The following CSMD1 variants were observed in gnomAD, a reference collection of about 807,000 sequenced individuals.
CSMD1 encodes the protein CUB and Sushi multiple domains 1, also known as CUB and sushi domain-containing protein 1.
A neutral mutation model predicts 417.5 loss-of-function variants in CSMD1; 213 were observed. The ratio of observed to expected loss-of-function variants is 0.51; its 90% CI spans 0.46 to 0.57. CSMD1 has a LOEUF of 0.57. CSMD1 is among the 20% of genes least tolerant of loss of function. The pLI, the probability that CSMD1 is intolerant of heterozygous loss-of-function variation, is 0.00. For missense variants in CSMD1, 6,923 were observed against 4,529.7 expected, an observed-to-expected ratio of 1.53 and a Z score of -15.17; for synonymous variants, 2,862 against 1,736.8, an observed-to-expected ratio of 1.65 and a Z score of -16.11.
chr8:3,870,310 ATTTTAT>A, intron 5 of CSMD1, among the ~76,000 whole-genome samples: 1 of 152,230 alleles, frequency 6.6e-6, no homozygotes, highest in African/African-American at 2.4e-5. Flanking sequence ...ATATCCTCAG[ATTTTAT>A]TTTTATTTTT....
At chr8:4,345,560 C>T (rs1208712714) in intron 3 of CSMD1, among the ~76,000 whole-genome samples, 1 of 151,882 alleles carries the variant, frequency 6.6e-6, no homozygotes, top group Non-Finnish European at 1.5e-5. Context: ...AATCACTCAT[C>T]GGACAAAGCA....
At position 3,348,056 on chromosome 8, in the gene CSMD1, T is replaced by C; in HGVS notation, c.3410A>G (p.Glu1137Gly). Residue 1137 changes from glutamate to glycine, a missense_variant, in exon 22 of 70, where the codon GAA becomes GGA. Transcript: ENST00000635120. ...TCTAAGGTGGATGCCCTTGCCGGCT[T>C]CTGTTTCTATTTTATAGATACACTC... Reference protein sequence around the residue: ...NHECIYKIETEAGKGIHLRTR... With the variant: ...NHECIYKIETGAGKGIHLRTR... The C allele has an allele frequency of 1.2e-6, 2 of 1,612,196 alleles. No individual in the cohort carries two copies. The highest frequency in any genetic ancestry group is 2.2e-5 in the South Asian group (2 of 90,714).
At chr8:4,905,336 C>G (rs1042182455) in intron 1 of CSMD1, among the ~76,000 whole-genome samples, 1 of 151,940 alleles carries the variant, frequency 6.6e-6, no homozygotes, top group Non-Finnish European at 1.5e-5. Flanking sequence ...ATCATAAAGG[C>G]TACCATTTCT....
chr8:4,552,478 T>G (rs1797916823), intron 2 of CSMD1, among the ~76,000 whole-genome samples: 1 of 152,116 alleles, frequency 6.6e-6, no homozygotes, highest in Admixed American at 6.6e-5. Flanking sequence ...ACAGATTTAT[T>G]GGGTGGGAAA....
intron 3 of CSMD1, among the ~76,000 whole-genome samples, chr8:4,419,121 G>T (rs931246205): frequency 6.6e-6 from 1 of 152,138 alleles, no homozygotes; most frequent in Non-Finnish European, 1.5e-5. Context: ...AGTAGCAAAT[G>T]ACATCCCAAG....
intron 3 of CSMD1, among the ~76,000 whole-genome samples, chr8:4,331,639 C>A (rs1218855642): frequency 6.6e-6 from 1 of 152,096 alleles, no homozygotes; most frequent in Non-Finnish European, 1.5e-5. Flanking sequence ...AAGCCTCAGT[C>A]ATAATCAATA....
At chr8:4,399,733 A>C (rs1254632787) in intron 3 of CSMD1, among the ~76,000 whole-genome samples, 1 of 152,104 alleles carries the variant, frequency 6.6e-6, no homozygotes, top group African/African-American at 2.4e-5. Flanking sequence ...TCTAATGAAG[A>C]CTTTTGTTTT....
chr8:4,046,895 C>A (rs1798175908), intron 3 of CSMD1, among the ~76,000 whole-genome samples: 1 of 152,074 alleles, frequency 6.6e-6, no homozygotes, highest in East Asian at 1.9e-4. Context: ...ATGAGGCCAT[C>A]TAAAAATGGG....
At chr8:3,672,949 A>G (rs1195171982) in intron 7 of CSMD1, among the ~76,000 whole-genome samples, 1 of 152,122 alleles carries the variant, frequency 6.6e-6, no homozygotes, top group Non-Finnish European at 1.5e-5. Flanking sequence ...AGAATCAATA[A>G]CTTATCTCGT....
At chr8:4,278,421 C>G (rs1796604014) in intron 3 of CSMD1, among the ~76,000 whole-genome samples, 1 of 152,116 alleles carries the variant, frequency 6.6e-6, no homozygotes, top group Admixed American at 6.6e-5. Context: ...CCACATGATA[C>G]AATTACATCT....
At chr8:4,132,476 G>A (rs951767765) in intron 3 of CSMD1, among the ~76,000 whole-genome samples, 1 of 152,050 alleles carries the variant, frequency 6.6e-6, no homozygotes, top group African/African-American at 2.4e-5. Flanking sequence ...ACTTTAACAG[G>A]AACATGGGTA....
chr8:4,264,259 G>A (rs989796837), intron 3 of CSMD1, among the ~76,000 whole-genome samples: 3 of 152,154 alleles, frequency 2.0e-5, no homozygotes, highest in Admixed American at 2.0e-4. Flanking sequence ...TTTAAGAATA[G>A]ACTCAAACAT....
At chr8:4,202,523 A>C (rs762397101) in intron 3 of CSMD1, among the ~76,000 whole-genome samples, 2 of 152,212 alleles carry the variant, frequency 1.3e-5, no homozygotes, top group Non-Finnish European at 2.9e-5. Context: ...ATACTTAAAA[A>C]TTTAAAACTC....
chr8:4,422,085 C>T (rs1172044552), intron 2 of CSMD1, among the ~76,000 whole-genome samples: 2 of 152,064 alleles, frequency 1.3e-5, no homozygotes, highest in East Asian at 3.9e-4. Flanking sequence ...ACTATTACAA[C>T]TAACCAATGA....
intron 5 of CSMD1, among the ~76,000 whole-genome samples, chr8:3,814,404 C>G (rs1007035298): frequency 6.6e-6 from 1 of 152,180 alleles, no homozygotes; most frequent in African/African-American, 2.4e-5. Flanking sequence ...AGGGAGTAAA[C>G]TTAAAAACAA....
chr8:3,832,618 C>T (rs13277986), intron 5 of CSMD1, among the ~76,000 whole-genome samples: 1 of 152,062 alleles, frequency 6.6e-6, no homozygotes, highest in African/African-American at 2.4e-5. Flanking sequence ...GGCATGGGTT[C>T]TTGAAGGAGT....
intron 2 of CSMD1, among the ~76,000 whole-genome samples, chr8:4,536,548 T>C (rs1217471514): frequency 6.6e-6 from 1 of 152,164 alleles, no homozygotes; most frequent in Non-Finnish European, 1.5e-5. Context: ...GATATTGCAT[T>C]CTCCTTCTTA....
intron 3 of CSMD1, among the ~76,000 whole-genome samples, chr8:4,291,929 T>C (rs550254680): frequency 6.2e-4 from 95 of 152,322 alleles, no homozygotes; most frequent in African/African-American, 2.2e-3. Context: ...TTCTGCCCTA[T>C]GTGAAAAAGC....
At chr8:3,496,626 G>C (rs1200613054) in intron 10 of CSMD1, among the ~76,000 whole-genome samples, 2 of 152,208 alleles carry the variant, frequency 1.3e-5, no homozygotes, top group African/African-American at 2.4e-5. Context: ...AGGAATTCGA[G>C]ACCAGCTTGG....
Sources: gnomAD v4.1 joint callset for allele counts (sites outside exome capture counted in the v4.1 genomes callset) on GRCh38, gnomAD v4.1.1 for gene constraint, MANE v1.5 for transcripts, NCBI Gene and HGNC (gene_info 2026-07-23, HGNC 2026-07-21) for gene names.